The following DAPK1 variants were observed in gnomAD, a reference collection of about 807,000 sequenced individuals.
The protein encoded by DAPK1 is death-associated protein kinase 1.
In DAPK1, 56 loss-of-function variants were observed where a neutral mutation model predicts 144.9. The observed-to-expected ratio is 0.39, with a 90% CI of 0.31 to 0.48. The LOEUF (loss-of-function observed/expected upper bound fraction) is 0.48. Ranked by LOEUF, DAPK1 falls within the 20% of genes least tolerant of loss-of-function variation. The pLI is 0.95. For synonymous variants in DAPK1, 690 were observed against 749.0 expected (o/e 0.92, Z 1.29); for missense variants, 1,454 against 1,875.4 (o/e 0.78, Z 4.15).
chr9:87,527,549 C>T (rs1181975873), intron 2 of DAPK1, among the ~76,000 whole-genome samples: 3 of 152,184 alleles, frequency 2.0e-5, no homozygotes, highest in Admixed American at 6.5e-5. Flanking sequence ...AGGTGAGGTC[C>T]GTTCCTGGAA....
At chr9:87,614,405 A>T (rs960556455) in intron 3 of DAPK1, among the ~76,000 whole-genome samples, 1 of 152,156 alleles carries the variant, frequency 6.6e-6, no homozygotes, top group Non-Finnish European at 1.5e-5. Context: ...AAGACCCATG[A>T]TCGTGGTTAA....
chr9:87,568,208 G>A (rs539366094), intron 2 of DAPK1, among the ~76,000 whole-genome samples: 1 of 152,362 alleles, frequency 6.6e-6, no homozygotes, highest in Non-Finnish European at 1.5e-5. Flanking sequence ...AGGGGCAGTC[G>A]CTATGCATTG....
chr9:87,623,062 G>T (rs995536557), intron 3 of DAPK1, among the ~76,000 whole-genome samples: 2 of 152,188 alleles, frequency 1.3e-5, no homozygotes, highest in African/African-American at 4.8e-5. Flanking sequence ...AGTGGGTTGG[G>T]TAATCACATA....
At chr9:87,613,321 C>G (rs1828992338) in intron 3 of DAPK1, among the ~76,000 whole-genome samples, 1 of 152,214 alleles carries the variant, frequency 6.6e-6, no homozygotes, top group African/African-American at 2.4e-5. Context: ...ACCTTTTCGT[C>G]TTGCAAAACT....
chr9:87,689,443 A>G (rs1824976966), intron 21 of DAPK1, among the ~76,000 whole-genome samples: 1 of 152,154 alleles, frequency 6.6e-6, no homozygotes, highest in Non-Finnish European at 1.5e-5. Context: ...ATAGTTTGCA[A>G]AATATCTCCC....
rs36232909 is a variant in DAPK1, at chr9:87,566,903, C to A, written c.63-38051C>A. Reference sequence around the variant, plus strand: ...CAGCATACAGGGGGTTTTGGCAGGTCCCTCCTTGCAATCACTATGGAAAGA... The same window carrying A: ...CAGCATACAGGGGGTTTTGGCAGGTACCTCCTTGCAATCACTATGGAAAGA... On this transcript the variant is annotated intron_variant, in intron 2 of 25. Transcript: ENST00000408954. Among the ~76,000 whole-genome samples the A allele has an allele frequency of 2.4e-3, 368 of 152,234 alleles. 6 individuals carry two copies. Among genetic ancestry groups the A allele is most frequent in the Admixed American group, 0.021 (318 of 15,278 alleles).
At chr9:87,571,454 CA>C (rs1827330591) in intron 2 of DAPK1, among the ~76,000 whole-genome samples, 2 of 61,058 alleles carry the variant, frequency 3.3e-5, no homozygotes, top group East Asian at 4.5e-4. Context: ...CACACACACA[CA>C]CACACACACA....
At chr9:87,621,636 G>A (rs1446391805) in intron 3 of DAPK1, among the ~76,000 whole-genome samples, 3 of 152,142 alleles carry the variant, frequency 2.0e-5, no homozygotes, top group African/African-American at 7.2e-5. Context: ...GCAGTTCTTT[G>A]GATGTTGAAC....
At chr9:87,643,759 C>T (rs1830176825) in intron 11 of DAPK1, among the ~76,000 whole-genome samples, 1 of 152,068 alleles carries the variant, frequency 6.6e-6, no homozygotes, top group Non-Finnish European at 1.5e-5. Context: ...AACACACACA[C>T]ATACACACAT....
At chr9:87,646,650 C>T in intron 13 of DAPK1, 91 bp downstream of exon 13, 1 of 950,620 alleles carries the variant, frequency 1.1e-6, no homozygotes, top group Admixed American at 2.2e-5. Context: ...AAATTTATGT[C>T]CTAACTTGTT....
intron 3 of DAPK1, among the ~76,000 whole-genome samples, chr9:87,626,498 C>G (rs1829500884): frequency 6.6e-6 from 1 of 152,194 alleles, no homozygotes. Flanking sequence ...ACTTCATGAA[C>G]TGCTGCTGGA....
intron 2 of DAPK1, among the ~76,000 whole-genome samples, chr9:87,577,518 C>T (rs936815123): frequency 3.9e-5 from 6 of 152,190 alleles, no homozygotes; most frequent in African/African-American, 1.4e-4. Flanking sequence ...CATCAGTGAG[C>T]CAGGCACAGT....
At chr9:87,544,262 A>G (rs1326545593) in intron 2 of DAPK1, among the ~76,000 whole-genome samples, 1 of 152,234 alleles carries the variant, frequency 6.6e-6, no homozygotes, top group Non-Finnish European at 1.5e-5. Context: ...CAAATTGTAC[A>G]AGCAACATAA....
intron 2 of DAPK1, among the ~76,000 whole-genome samples, chr9:87,561,711 A>G (rs1349221290): frequency 6.6e-6 from 1 of 152,148 alleles, no homozygotes; most frequent in Non-Finnish European, 1.5e-5. Flanking sequence ...GGGTGCTAGA[A>G]ATGGAAGCCC....
At chr9:87,611,836 G>C (rs1828942619) in intron 3 of DAPK1, among the ~76,000 whole-genome samples, 1 of 152,192 alleles carries the variant, frequency 6.6e-6, no homozygotes, top group Admixed American at 6.5e-5. Context: ...TGCGGATGCT[G>C]CTGGTCTGGG....
intron 20 of DAPK1, 167 bp downstream of exon 20, chr9:87,681,793 G>A (rs1194077849): frequency 1.6e-6 from 1 of 639,958 alleles, no homozygotes; most frequent in African/African-American, 1.8e-5. Flanking sequence ...CCTTGTGTGT[G>A]CTGCCTGTTG....
chr9:87,608,222 G>A (rs4129633), intron 3 of DAPK1, among the ~76,000 whole-genome samples: 2,387 of 152,302 alleles, frequency 0.016, 78 homozygotes, highest in African/African-American at 0.054. Context: ...CTGTTTTGTT[G>A]TTTTGAAAAT....
Position 87,550,505 on chromosome 9 carries a change from C to T in DAPK1, c.62+51366C>T, listed in dbSNP as rs562168890. Among the ~76,000 whole-genome samples the T allele has an allele frequency of 9.8e-5, 15 of 152,350 alleles. No homozygotes were observed. The East Asian group carries it at 2.3e-3, about 24-fold the overall frequency. Reference sequence around the variant, plus strand: ...CTTGTGGCAGCATAATTCCAGTCTGCACATGGCATTCTGCTTTTCTATGTC... The same window carrying T: ...CTTGTGGCAGCATAATTCCAGTCTGTACATGGCATTCTGCTTTTCTATGTC... On this transcript the variant is annotated intron_variant, in intron 2 of 25. Transcript: ENST00000408954.
intron 3 of DAPK1, among the ~76,000 whole-genome samples, chr9:87,609,805 A>G (rs1828863595): frequency 6.6e-6 from 1 of 152,168 alleles, no homozygotes; most frequent in Non-Finnish European, 1.5e-5. Context: ...CCGTGTGGAT[A>G]TAGTTTTTGG....
Sources: gnomAD v4.1 joint callset for allele counts (sites outside exome capture counted in the v4.1 genomes callset) on GRCh38, gnomAD v4.1.1 for gene constraint, MANE v1.5 for transcripts, NCBI Gene and HGNC (gene_info 2026-07-23, HGNC 2026-07-21) for gene names.